SGCD: variants seen among roughly 807,000 people sequenced by gnomAD.
SGCD encodes the protein sarcoglycan delta, also known as delta-sarcoglycan.
A neutral mutation model predicts 36.6 loss-of-function variants in SGCD; 18 were observed. That is an observed-to-expected ratio of 0.49 (90% CI 0.34 to 0.73). SGCD has a LOEUF of 0.73. SGCD is among the 30% of genes least tolerant of loss of function. The pLI is 0.01. For missense variants in SGCD, 387 were observed against 346.7 expected (o/e 1.12, Z -0.92); for synonymous variants, 133 against 130.6 (o/e 1.02, Z -0.12).
chr5:156,400,214 G>A (rs1772070449), intron 3 of SGCD, among the ~76,000 whole-genome samples: 1 of 152,164 alleles, frequency 6.6e-6, no homozygotes, highest in Non-Finnish European at 1.5e-5. Flanking sequence ...CTCTTGGTGT[G>A]GGCCTGGGAA....
At chr5:156,382,316 C>T (rs1310547981) in intron 3 of SGCD, among the ~76,000 whole-genome samples, 1 of 152,118 alleles carries the variant, frequency 6.6e-6, no homozygotes, top group Non-Finnish European at 1.5e-5. Context: ...AATTGCTTTG[C>T]AGACTTCAAA....
the SGCD span, among the ~76,000 whole-genome samples, chr5:155,835,112 A>T: frequency 6.7e-6 from 1 of 148,194 alleles, no homozygotes; most frequent in South Asian, 2.1e-4. Flanking sequence ...GGTTCAAGCA[A>T]TTCTCCCTGC....
intron 1 of SGCD, among the ~76,000 whole-genome samples, chr5:156,069,033 A>G (rs1420847270): frequency 1.3e-5 from 2 of 152,160 alleles, no homozygotes; most frequent in African/African-American, 4.8e-5. Flanking sequence ...GCCCTTTGTC[A>G]GATGAGTAGA....
chr5:156,656,583 A>T (rs1321640512), intron 7 of SGCD, among the ~76,000 whole-genome samples: 1 of 152,134 alleles, frequency 6.6e-6, no homozygotes, highest in African/African-American at 2.4e-5. Flanking sequence ...ACAAAAATTG[A>T]TTTTTGTAAT....
chr5:156,144,915 C>G (rs549056981), intron 3 of SGCD, among the ~76,000 whole-genome samples: 2 of 152,150 alleles, frequency 1.3e-5, no homozygotes, highest in South Asian at 4.1e-4. Flanking sequence ...TCAGATTAGA[C>G]TTTTGACTTT....
rs1757580900 is a variant in SGCD at position 156,766,011 on chromosome 5, T to C, written c.*6621T>C. On this transcript the variant is annotated 3_prime_UTR_variant, in exon 9 of 9. Transcript: ENST00000337851. ...AACAACAACAAAAATATTAATTTTT[T>C]CTGTGTATGCTTAGGTCAAGCTTAA... The C allele has an allele frequency of 6.6e-6, 1 of 151,146 alleles. No individual in the cohort carries two copies. The highest frequency in any genetic ancestry group is 1.5e-5 in the Non-Finnish European group (1 of 67,966). 9.4% of individuals were successfully genotyped at this position (151,146 alleles called of 1,614,324 possible).
intron 7 of SGCD, among the ~76,000 whole-genome samples, chr5:156,671,598 G>GTT (rs1290858411): frequency 1.3e-5 from 2 of 152,128 alleles, no homozygotes; most frequent in Non-Finnish European, 2.9e-5. Flanking sequence ...GAATGAAGCA[G>GTT]TAAGAGTCTG....
chr5:156,718,586 C>T (rs1238169644), intron 7 of SGCD, among the ~76,000 whole-genome samples: 1 of 151,752 alleles, frequency 6.6e-6, no homozygotes, highest in East Asian at 1.9e-4. Context: ...TTGAGACCAG[C>T]CTGGGCAACA....
the SGCD span, among the ~76,000 whole-genome samples, chr5:155,836,060 G>C: frequency 3.9e-5 from 6 of 152,200 alleles, no homozygotes; most frequent in East Asian, 9.6e-4. Flanking sequence ...GGGATCTACT[G>C]TATAGTCAAT....
intron 3 of SGCD, among the ~76,000 whole-genome samples, chr5:156,416,813 T>A (rs932070906): frequency 6.6e-6 from 1 of 152,234 alleles, no homozygotes; most frequent in Non-Finnish European, 1.5e-5. Context: ...AAATTTGCAA[T>A]GCTATCTGCA....
chr5:156,020,415 C>G (rs1478047984), intron 1 of SGCD, among the ~76,000 whole-genome samples: 2 of 152,072 alleles, frequency 1.3e-5, no homozygotes, highest in African/African-American at 4.8e-5. Context: ...TTTGAATAGC[C>G]TGCTTCATAT....
chr5:155,815,509 A>T, the SGCD span, among the ~76,000 whole-genome samples: 1 of 152,212 alleles, frequency 6.6e-6, no homozygotes, highest in African/African-American at 2.4e-5. Flanking sequence ...ACATTGCTGT[A>T]AAGAACTACC....
chr5:156,162,222 C>T (rs80351009), intron 3 of SGCD, among the ~76,000 whole-genome samples: 2,189 of 151,516 alleles, frequency 0.014, 104 homozygotes, highest in African/African-American at 0.04. Flanking sequence ...AGATTCCTTC[C>T]TTCCATTGGT....
the SGCD span, among the ~76,000 whole-genome samples, chr5:155,785,537 C>G: frequency 6.6e-6 from 1 of 152,108 alleles, no homozygotes; most frequent in Non-Finnish European, 1.5e-5. Context: ...TAAACTTGTA[C>G]CCACTGGCCA....
intron 3 of SGCD, among the ~76,000 whole-genome samples, chr5:156,400,905 G>A (rs1772112907): frequency 6.6e-6 from 1 of 152,164 alleles, no homozygotes; most frequent in African/African-American, 2.4e-5. Flanking sequence ...AACTGCATTT[G>A]GCTCTTATGT....
the SGCD span, among the ~76,000 whole-genome samples, chr5:155,821,852 T>C: frequency 6.6e-6 from 1 of 152,212 alleles, no homozygotes; most frequent in Non-Finnish European, 1.5e-5. Flanking sequence ...ACTAAATAGA[T>C]GTCCTTTGCT....
chr5:155,886,481 T>TGC (rs1400150375), intron 1 of SGCD, among the ~76,000 whole-genome samples: 8 of 147,822 alleles, frequency 5.4e-5, no homozygotes, highest in Non-Finnish European at 1.2e-4. Flanking sequence ...TGCAGAGGAA[T>TGC]GTGTGTGTGT....
rs1303844199 is a variant in SGCD at position 156,518,609 on chromosome 5, T to A, written c.294+9907T>A. Among the ~76,000 whole-genome samples the A allele has an allele frequency of 3.3e-5, 5 of 152,112 alleles. No individual in the cohort carries two copies. The South Asian group carries it at 1.0e-3, about 32-fold the overall frequency. On this transcript the variant is annotated intron_variant, in intron 4 of 8. Coordinates refer to ENST00000337851, the MANE Select transcript of SGCD (RefSeq NM_000337.6). Reference sequence around the variant, plus strand: ...ATAAAATTCCAATTGTGATTGGAAGTAAAACACTCCTCAGCAAATGCAAAA... The same window carrying A: ...ATAAAATTCCAATTGTGATTGGAAGAAAAACACTCCTCAGCAAATGCAAAA...
chr5:156,583,347 A>G (rs185571493), intron 4 of SGCD, among the ~76,000 whole-genome samples: 1 of 152,146 alleles, frequency 6.6e-6, no homozygotes. Context: ...TGCCTCTCCA[A>G]TTGCCAAGCA....
Sources: gnomAD v4.1 joint callset for allele counts (sites outside exome capture counted in the v4.1 genomes callset) on GRCh38, gnomAD v4.1.1 for gene constraint, MANE v1.5 for transcripts, NCBI Gene and HGNC (gene_info 2026-07-23, HGNC 2026-07-21) for gene names.